Variants in CERS1 observed in about 807,000 individuals in gnomAD.
The protein encoded by CERS1 is Embryonic growth/differentiation factor 1.
Under a neutral mutation model 35.7 loss-of-function variants are expected in CERS1, and 16 were observed. That is an observed-to-expected ratio of 0.45 (90% CI 0.30 to 0.68). The LOEUF is 0.68. CERS1 is among the 30% of genes least tolerant of loss of function. The probability of loss-of-function intolerance (pLI) is 0.08; values close to 1 mark genes in which losing one functional copy is unlikely to be tolerated. For missense variants in CERS1, 454 were observed against 453.9 expected (o/e 1.00, Z 0.00); for synonymous variants, 243 against 201.6 (o/e 1.21, Z -1.74).
Position 18,870,140 on chromosome 19 carries a change from C to T in CERS1, c.*437G>A. On this transcript the variant is annotated 3_prime_UTR_variant, in exon 7 of 8. Coordinates refer to ENST00000623882, the MANE Select transcript of CERS1 (RefSeq NM_021267.5). This position sits in a 1 kb window ranked among gnomAD's most constrained non-coding sequence, Gnocchi z 5.1. ...GGCGCCACATGACCGGGGGAACCGG[C>T]CGGAGCCTGGGGGCACCCTGGGGCT... is the stretch of plus-strand genomic sequence containing the variant. 6.4e-7 allele frequency: 1 copy of T among 1,564,670 alleles called. No homozygotes were observed. Among genetic ancestry groups the T allele is most frequent in the Non-Finnish European group, 8.6e-7 (1 of 1,160,824 alleles).
chr19:18,868,955 T>C lies in CERS1; in HGVS notation c.*1030A>G. ...GCCGCCGCCCAACACGGGTTCGGCG[T>C]CGCGCCGCGGCCGGGCCAGGGGGTG... On this transcript the variant is annotated 3_prime_UTR_variant, in exon 8 of 8. Coordinates refer to ENST00000623882, the MANE Select transcript of CERS1 (RefSeq NM_021267.5). 2 of 1,187,126 alleles carry C rather than the reference T, an allele frequency of 1.7e-6. No homozygotes were observed. The highest frequency in any genetic ancestry group is 2.5e-5 in the South Asian group (1 of 40,260). 73.5% of individuals were successfully genotyped at this position (1,187,126 alleles called of 1,614,324 possible).
upstream of CERS1, chr19:18,896,292 C>G (rs1431027824): frequency 2.0e-5 from 3 of 149,764 alleles, no homozygotes; most frequent in African/African-American, 7.3e-5. The surrounding 1 kb of genome is among the most constrained non-coding windows in gnomAD (Gnocchi z 5.9). Context: ...CGCGCCCCTG[C>G]CCGTTTCCCA....
chr19:18,869,126 T>C lies in CERS1; in HGVS notation c.*859A>G. On this transcript the variant is annotated 3_prime_UTR_variant, in exon 8 of 8. Coordinates refer to ENST00000623882, the MANE Select transcript of CERS1 (RefSeq NM_021267.5). The stretch of plus-strand genomic sequence containing the variant: ...GCGAGCCCAAGCGGCGCCCAGCAGC[T>C]CCGCGCGCACTGGCGGCCCCAGGGC... 2 of 1,095,786 alleles carry C rather than the reference T, an allele frequency of 1.8e-6. No individual in the cohort carries two copies. Among genetic ancestry groups the C allele is most frequent in the South Asian group, 3.3e-5 (1 of 30,500 alleles). 67.9% of individuals were successfully genotyped at this position (1,095,786 alleles called of 1,614,324 possible).
At position 18,878,007 on chromosome 19, in the gene CERS1, C is replaced by T; in HGVS notation, c.1010+923G>A. On this transcript the variant is annotated intron_variant, in intron 6 of 7. Transcript: ENST00000623882. This position sits in a 1 kb window ranked among gnomAD's most constrained non-coding sequence, Gnocchi z 4.6. ...AAACAGGGTGGGGGGTCTGACGCTC[C>T]TCTGCCTGGCTACAGCCCCGGATGT... The T allele has an allele frequency of 1.0e-6, 1 of 985,554 alleles. No individual in the cohort carries two copies. The highest frequency in any genetic ancestry group is 1.2e-6 in the Non-Finnish European group (1 of 829,976). The allele number at this position is 985,554 out of a possible 1,614,324, so 61.1% of individuals were successfully genotyped here.
At chr19:18,890,106 G>A (rs140354318) in intron 2 of CERS1, among the ~76,000 whole-genome samples, 60 of 152,244 alleles carry the variant, frequency 3.9e-4, no homozygotes, top group Non-Finnish European at 7.4e-4. Flanking sequence ...AATCCTGACC[G>A]TGGCCTCCGA....
chr19:18,878,013 C>G lies in CERS1; in HGVS notation c.1010+917G>C, dbSNP rs1377100866. 1.0e-6 allele frequency: 1 copy of G among 985,424 alleles called. No homozygotes were observed. The highest frequency in any genetic ancestry group is 1.7e-5 in the African/African-American group (1 of 57,210). The allele number at this position is 985,424 out of a possible 1,614,324, so 61.0% of individuals were successfully genotyped here. On this transcript the variant is annotated intron_variant, in intron 6 of 7. Transcript: ENST00000623882. This position sits in a 1 kb window ranked among gnomAD's most constrained non-coding sequence, Gnocchi z 4.6. ...GGTGGGGGGTCTGACGCTCCTCTGC[C>G]TGGCTACAGCCCCGGATGTGTTAAA... is the stretch of plus-strand genomic sequence containing the variant.
intron 6 of CERS1, among the ~76,000 whole-genome samples, chr19:18,873,175 A>T (rs555115437): frequency 6.6e-6 from 1 of 152,256 alleles, no homozygotes; most frequent in East Asian, 1.9e-4. Flanking sequence ...ACACTAGTCT[A>T]TCACTAGAGA....
rs1169893067 is a variant in CERS1 at position 18,895,960 on chromosome 19, G to A, written c.113C>T (p.Thr38Met). Residue 38 changes from threonine (T) to methionine (M), a missense_variant, in exon 1 of 8, where the codon ACG becomes ATG. Physicochemically the swap from Thr to Met is moderately conservative, Grantham distance 81. Coordinates refer to ENST00000623882, the MANE Select transcript of CERS1 (RefSeq NM_021267.5). The surrounding 1 kb of genome is among the most constrained non-coding windows in gnomAD (Gnocchi z 6.4). ...ACGCGCCAGCCCCCAGCCGCAGTCC[G>A]TGCAGCCCCGCGCCGCCGCCAGCGC... ...GSALAAARGC[T>M]DCGWGLARRG... 4.6e-6 allele frequency: 5 copies of A among 1,096,746 alleles called. No individual in the cohort carries two copies. In the South Asian group the frequency reaches 9.1e-5, roughly 20 times the overall value. The allele number at this position is 1,096,746 out of a possible 1,614,324, so 67.9% of individuals were successfully genotyped here.
chr19:18,890,173 GCTCCAGGCAC>G (rs2056456506), intron 2 of CERS1, among the ~76,000 whole-genome samples: 1 of 152,192 alleles, frequency 6.6e-6, no homozygotes, highest in Non-Finnish European at 1.5e-5. Flanking sequence ...TCTCCTGCCT[GCTCCAGGCAC>G]CTCCAGGCCC....
chr19:18,876,536 T>TTGTGTGTGTGTGTGTG (rs60266196), intron 6 of CERS1, among the ~76,000 whole-genome samples: 50 of 143,274 alleles, frequency 3.5e-4, no homozygotes, highest in African/African-American at 8.5e-4. Context: ...TTTGATTGGG[T>TTGTGTGTGTGTGTGTG]TGTGTGTGTG....
intron 3 of CERS1, among the ~76,000 whole-genome samples, chr19:18,880,894 T>C (rs1277567679): frequency 6.6e-6 from 1 of 152,116 alleles, no homozygotes; most frequent in African/African-American, 2.4e-5. Flanking sequence ...AGACTGGGTC[T>C]TGCTATGTTG....
intron 6 of CERS1, among the ~76,000 whole-genome samples, chr19:18,872,387 G>A (rs921208021): frequency 3.3e-5 from 5 of 151,760 alleles, no homozygotes; most frequent in Non-Finnish European, 7.4e-5. Flanking sequence ...TCGCTCTGTC[G>A]CCCAGGCTGG....
chr19:18,870,616 C>A lies in CERS1; in HGVS notation c.1014G>T (p.Lys338Asn). 1.7e-6 allele frequency: 1 copy of A among 573,434 alleles called. No homozygotes were observed. Among genetic ancestry groups the A allele is most frequent in the Non-Finnish European group, 3.2e-6 (1 of 316,748 alleles). The allele number at this position is 573,434 out of a possible 1,614,324, so 35.5% of individuals were successfully genotyped here. The change falls in exon 7 of 8, where the codon AAG (lysine) becomes AAT (asparagine). Residue 338 changes from lysine to asparagine, a missense_variant. Physicochemically the swap from Lys to Asn is moderately conservative, Grantham distance 94. Coordinates refer to ENST00000623882, the MANE Select transcript of CERS1 (RefSeq NM_021267.5). This position sits in a 1 kb window ranked among gnomAD's most constrained non-coding sequence, Gnocchi z 5.1. ...AQSLKPSKAEKPLRNGLVKDK... is the reference protein window; with the variant it reads ...AQSLKPSKAENPLRNGLVKDK... ...CCTTCACCAGGCCGTTCCTCAGTGGCTTCCTGGGGGTCAGAACCGGCGCAG... is the reference window on the plus strand; with the variant it reads ...CCTTCACCAGGCCGTTCCTCAGTGGATTCCTGGGGGTCAGAACCGGCGCAG...
chr19:18,884,598 G>A (rs1454678541), intron 2 of CERS1, among the ~76,000 whole-genome samples: 1 of 151,498 alleles, frequency 6.6e-6, no homozygotes, highest in Non-Finnish European at 1.5e-5. Flanking sequence ...TAGTAGAGAC[G>A]GGGTTTCACT....
chr19:18,881,345 C>T (rs1304746629), intron 3 of CERS1, among the ~76,000 whole-genome samples: 3 of 151,870 alleles, frequency 2.0e-5, no homozygotes, highest in Non-Finnish European at 4.4e-5. Flanking sequence ...TCAGCCTTCC[C>T]AAGTAGCTGG....
intron 6 of CERS1, among the ~76,000 whole-genome samples, chr19:18,873,150 G>A (rs1348726032): frequency 6.6e-6 from 1 of 152,138 alleles, no homozygotes; most frequent in East Asian, 1.9e-4. Flanking sequence ...TGTCAACACC[G>A]ATAGACTAGT....
At position 18,878,699 on chromosome 19, in the gene CERS1, G is replaced by T; in HGVS notation, c.1010+231C>A. ...CCCTACCGCTGAGACCCTGCCTGTC[G>T]CCCTGCCTGCCCCTCCCCAGCCTCT... is the stretch of plus-strand genomic sequence containing the variant. On this transcript the variant is annotated intron_variant, in intron 6 of 7. Transcript: ENST00000623882. The surrounding 1 kb of genome is among the most constrained non-coding windows in gnomAD (Gnocchi z 4.6). The T allele has an allele frequency of 1.5e-6, 2 of 1,358,394 alleles. No homozygotes were observed. Among genetic ancestry groups the T allele is most frequent in the Non-Finnish European group, 1.9e-6 (2 of 1,051,520 alleles). 84.1% of individuals were successfully genotyped at this position (1,358,394 alleles called of 1,614,324 possible).
At position 18,884,301 on chromosome 19, in the gene CERS1, G is replaced by A. The variant is rs984384106; in HGVS notation, c.410-34C>T. The A allele has an allele frequency of 1.1e-5, 18 of 1,582,300 alleles. 1 individual carries two copies. In the East Asian group the frequency reaches 1.4e-4, roughly 12 times the overall value. Reference sequence around the variant, plus strand: ...AGCCAAATCTCACAGTCAGGGCCCTGCGAAGCCTCTAGACGATCGCCTCCA... The same window carrying A: ...AGCCAAATCTCACAGTCAGGGCCCTACGAAGCCTCTAGACGATCGCCTCCA... On this transcript the variant is annotated intron_variant, in intron 2 of 7. Coordinates refer to ENST00000623882, the MANE Select transcript of CERS1 (RefSeq NM_021267.5).
At chr19:18,886,213 C>T (rs2056355084) in intron 2 of CERS1, among the ~76,000 whole-genome samples, 1 of 151,766 alleles carries the variant, frequency 6.6e-6, no homozygotes, top group African/African-American at 2.4e-5. Flanking sequence ...CGAGACCAGC[C>T]TGGACAACAT....
Sources: gnomAD v4.1 joint callset for allele counts (sites outside exome capture counted in the v4.1 genomes callset) on GRCh38, gnomAD v4.1.1 for gene constraint, Gnocchi (gnomAD v3.1) non-coding constraint, MANE v1.5 for transcripts, NCBI Gene and HGNC (gene_info 2026-07-23, HGNC 2026-07-21) for gene names.